The following GALNTL6 variants were observed in gnomAD, a reference collection of about 807,000 sequenced individuals.
The protein encoded by GALNTL6 is polypeptide N-acetylgalactosaminyltransferase like 6.
In GALNTL6, 46 loss-of-function variants were observed where a neutral mutation model predicts 73.7. The observed-to-expected ratio is 0.62, with a 90% confidence interval of 0.49 to 0.80. The LOEUF is 0.80. Among genes scored for constraint, GALNTL6 ranks in the 30% least tolerant of loss-of-function variants. The pLI, the probability that GALNTL6 is intolerant of heterozygous loss-of-function variation, is 0.00. For synonymous variants in GALNTL6, 259 were observed against 263.7 expected, an observed-to-expected ratio of 0.98 and a Z score of 0.17; for missense variants, 604 against 755.0, an observed-to-expected ratio of 0.80 and a Z score of 2.34.
At chr4:172,480,578 A>C (rs868034364) in intron 5 of GALNTL6, among the ~76,000 whole-genome samples, 1 of 152,234 alleles carries the variant, frequency 6.6e-6, no homozygotes, top group Non-Finnish European at 1.5e-5. Flanking sequence ...TTCTAAAGTC[A>C]CTGGTTTTTT....
chr4:172,601,791 G>A (rs190167809), intron 5 of GALNTL6, among the ~76,000 whole-genome samples: 2 of 146,606 alleles, frequency 1.4e-5, no homozygotes, highest in East Asian at 3.9e-4. Context: ...AGAAAAGGGG[G>A]TTAAGATCTA....
chr4:172,958,543 G>A (rs1228761758), intron 10 of GALNTL6, among the ~76,000 whole-genome samples: 1 of 152,216 alleles, frequency 6.6e-6, no homozygotes, highest in Non-Finnish European at 1.5e-5. Context: ...GGTATCTAAA[G>A]TCGAAAGTAT....
intron 3 of GALNTL6, among the ~76,000 whole-genome samples, chr4:172,293,539 A>G (rs568764640): frequency 6.6e-6 from 1 of 152,116 alleles, no homozygotes; most frequent in South Asian, 2.1e-4. Flanking sequence ...TTAAAGATCT[A>G]ACTAGAACTA....
chr4:172,919,412 G>A (rs371339255), intron 8 of GALNTL6, among the ~76,000 whole-genome samples: 8 of 151,962 alleles, frequency 5.3e-5, no homozygotes, highest in East Asian at 1.9e-4. Context: ...TTCATTTTCC[G>A]CTTCACCACC....
At chr4:172,630,955 A>T (rs182345696) in intron 5 of GALNTL6, among the ~76,000 whole-genome samples, 52 of 151,860 alleles carry the variant, frequency 3.4e-4, no homozygotes, top group African/African-American at 1.2e-3. Flanking sequence ...AAAACTAACA[A>T]GTAGTGGTTA....
At chr4:172,040,260 A>G (rs1418655138) in intron 2 of GALNTL6, among the ~76,000 whole-genome samples, 1 of 152,124 alleles carries the variant, frequency 6.6e-6, no homozygotes, top group Non-Finnish European at 1.5e-5. Context: ...TTACAAAATA[A>G]ATTTTAGACT....
intron 2 of GALNTL6, among the ~76,000 whole-genome samples, chr4:171,968,062 T>C (rs1739442064): frequency 6.6e-6 from 1 of 152,152 alleles, no homozygotes; most frequent in Non-Finnish European, 1.5e-5. Flanking sequence ...TCCTTATTAC[T>C]AGTTATCTTA....
chr4:172,898,124 CTTAAGCAAT>C (rs1746425836), intron 8 of GALNTL6, among the ~76,000 whole-genome samples: 1 of 152,026 alleles, frequency 6.6e-6, no homozygotes. Context: ...AGATTTTGAT[CTTAAGCAAT>C]TATTTCAAAA....
intron 3 of GALNTL6, among the ~76,000 whole-genome samples, chr4:172,262,514 C>T (rs1199165240): frequency 6.6e-6 from 1 of 151,148 alleles, no homozygotes; most frequent in African/African-American, 2.4e-5. Flanking sequence ...TATGTGAGTC[C>T]TGATGTGTTA....
intron 2 of GALNTL6, among the ~76,000 whole-genome samples, chr4:172,152,355 C>T (rs933594117): frequency 8.5e-5 from 13 of 152,102 alleles, no homozygotes; most frequent in South Asian, 2.1e-4. Context: ...GAGTCAAAGA[C>T]GTTGTTTAGC....
At chr4:172,803,976 G>A (rs1003770954) in intron 5 of GALNTL6, among the ~76,000 whole-genome samples, 1 of 152,154 alleles carries the variant, frequency 6.6e-6, no homozygotes, top group African/African-American at 2.4e-5. Context: ...ACTAGGACAC[G>A]AAGAGATTGA....
chr4:172,229,611 A>T (rs775491920), intron 2 of GALNTL6, 45 bp from the exon 3 acceptor site: 23 of 1,263,708 alleles, frequency 1.8e-5, no homozygotes, highest in Non-Finnish European at 2.5e-5. Context: ...ACCATGCAAA[A>T]GGAAATACCT....
At chr4:172,441,971 C>G (rs1009777751) in intron 5 of GALNTL6, among the ~76,000 whole-genome samples, 6 of 151,976 alleles carry the variant, frequency 3.9e-5, no homozygotes, top group African/African-American at 1.5e-4. Flanking sequence ...GTCACATTAT[C>G]CAGCATCAGG....
intron 2 of GALNTL6, among the ~76,000 whole-genome samples, chr4:171,830,978 G>A (rs966297254): frequency 1.3e-5 from 2 of 152,030 alleles, no homozygotes; most frequent in African/African-American, 4.8e-5. Context: ...TTTAAAAAAA[G>A]CATGTGGTTG....
At chr4:172,251,263 G>A (rs959264476) in intron 3 of GALNTL6, among the ~76,000 whole-genome samples, 7 of 152,126 alleles carry the variant, frequency 4.6e-5, no homozygotes, top group African/African-American at 9.6e-5. Flanking sequence ...TAAAGCCTTC[G>A]ACTGCTTAAA....
At chr4:172,138,988 A>G (rs1302962771) in intron 2 of GALNTL6, among the ~76,000 whole-genome samples, 1 of 152,174 alleles carries the variant, frequency 6.6e-6, no homozygotes, top group East Asian at 1.9e-4. Flanking sequence ...AAGTAAATCT[A>G]TCTTGTATAT....
rs374559216 is a variant in GALNTL6 at position 172,539,759 on chromosome 4, G to T, written c.553+191070G>T. ...ATGGGCAGAATTATATATATTGTTT[G>T]GTATGATTGCCATAATATTGATAAT... On this transcript the variant is annotated intron_variant, in intron 5 of 12. Transcript: ENST00000506823. Among the ~76,000 whole-genome samples the T allele has an allele frequency of 3.7e-4, 56 of 151,048 alleles. No individual in the cohort carries two copies. In the East Asian group the frequency reaches 6.6e-3, roughly 18 times the overall value.
intron 2 of GALNTL6, among the ~76,000 whole-genome samples, chr4:172,184,696 C>A (rs1001568126): frequency 1.3e-5 from 2 of 152,064 alleles, no homozygotes; most frequent in Non-Finnish European, 2.9e-5. Flanking sequence ...GGTGTCTTAG[C>A]CCATTTTGTG....
At chr4:171,818,105 C>G (rs1734570396) in intron 2 of GALNTL6, among the ~76,000 whole-genome samples, 2 of 151,450 alleles carry the variant, frequency 1.3e-5, no homozygotes, top group African/African-American at 4.8e-5. Context: ...TAAAGTAATT[C>G]TTAGCTTCAT....
Sources: gnomAD v4.1 joint callset for allele counts (sites outside exome capture counted in the v4.1 genomes callset) on GRCh38, gnomAD v4.1.1 for gene constraint, MANE v1.5 for transcripts, NCBI Gene and HGNC (gene_info 2026-07-23, HGNC 2026-07-21) for gene names.